Variants in GRIK4 observed in about 807,000 individuals in gnomAD.
The protein encoded by GRIK4 is glutamate receptor ionotropic, kainate 4.
Under a neutral mutation model 104.9 loss-of-function variants are expected in GRIK4, and 40 were observed. That is an observed-to-expected ratio of 0.38 (90% CI 0.30 to 0.50). The LOEUF (loss-of-function observed/expected upper bound fraction) is 0.50, where lower values mean the gene tolerates loss of function less well. GRIK4 is among the 20% of genes least tolerant of loss of function. The pLI is 0.93. For synonymous variants in GRIK4, 485 were observed against 524.9 expected (o/e 0.92, Z 1.04); for missense variants, 1,047 against 1,308.1 (o/e 0.80, Z 3.08).
intron 3 of GRIK4, among the ~76,000 whole-genome samples, chr11:120,798,008 A>G (rs963790306): frequency 6.6e-6 from 1 of 152,132 alleles, no homozygotes; most frequent in Non-Finnish European, 1.5e-5. Context: ...CCCAGCAGAA[A>G]TGTTTCACAG....
chr11:120,641,003 C>T (rs765181296), intron 1 of GRIK4, among the ~76,000 whole-genome samples: 19 of 152,348 alleles, frequency 1.2e-4, no homozygotes, highest in African/African-American at 2.9e-4. Flanking sequence ...TGAGCCACCG[C>T]GCCCGGCCCA....
At chr11:120,610,323 A>C (rs1949019030) in intron 1 of GRIK4, among the ~76,000 whole-genome samples, 1 of 152,224 alleles carries the variant, frequency 6.6e-6, no homozygotes, top group Non-Finnish European at 1.5e-5. Context: ...ATATGTTGTA[A>C]GTTGTATATT....
At chr11:120,778,038 G>A (rs1014114823) in intron 3 of GRIK4, among the ~76,000 whole-genome samples, 1 of 152,126 alleles carries the variant, frequency 6.6e-6, no homozygotes, top group African/African-American at 2.4e-5. Context: ...AGGCCTTGCC[G>A]CTCAGGTGAC....
chr11:120,688,068 C>G (rs1259547595), intron 3 of GRIK4, among the ~76,000 whole-genome samples: 1 of 152,192 alleles, frequency 6.6e-6, no homozygotes, highest in Admixed American at 6.5e-5. Flanking sequence ...TGTCCCCCAG[C>G]AGCAGTCTTT....
chr11:120,791,768 C>T (rs1591919050), intron 3 of GRIK4, among the ~76,000 whole-genome samples: 1 of 152,242 alleles, frequency 6.6e-6, no homozygotes, highest in East Asian at 1.9e-4. Flanking sequence ...TTGCATATGG[C>T]ATGAGTAAGG....
At position 120,831,747 on chromosome 11, in the gene GRIK4, C is replaced by G. The variant is rs146885383; in HGVS notation, c.512-105C>G. On this transcript the variant is annotated intron_variant, in intron 6 of 20. Coordinates refer to ENST00000527524, the MANE Select transcript of GRIK4 (RefSeq NM_014619.5). ...ATGCTGTCAGTGGGGCCAGACCCCC[C>G]GACCCCACTTCCAGCCCACATCTCC... 14 of 795,462 alleles carry G rather than the reference C, an allele frequency of 1.8e-5. No individual in the cohort carries two copies. In the African/African-American group the frequency reaches 2.1e-4, roughly 12 times the overall value. The allele number at this position is 795,462 out of a possible 1,614,324, so 49.3% of individuals were successfully genotyped here.
At chr11:120,912,123 GA>G (rs1162305831) in intron 13 of GRIK4, among the ~76,000 whole-genome samples, 2 of 152,184 alleles carry the variant, frequency 1.3e-5, no homozygotes, top group African/African-American at 4.8e-5. Context: ...GGACCCAGTG[GA>G]TGTGGAATGT....
intron 1 of GRIK4, among the ~76,000 whole-genome samples, chr11:120,631,590 C>G (rs1271386161): frequency 6.6e-6 from 1 of 152,142 alleles, no homozygotes; most frequent in Non-Finnish European, 1.5e-5. Context: ...AAAGTCTCAC[C>G]CAGGAGTGAG....
chr11:120,852,852 T>G (rs1954006480), intron 8 of GRIK4, among the ~76,000 whole-genome samples: 1 of 152,170 alleles, frequency 6.6e-6, no homozygotes, highest in African/African-American at 2.4e-5. Flanking sequence ...AGAGGACTTC[T>G]GAGACAAGGG....
chr11:120,698,579 T>C (rs1356713202), intron 3 of GRIK4, among the ~76,000 whole-genome samples: 1 of 152,248 alleles, frequency 6.6e-6, no homozygotes, highest in Non-Finnish European at 1.5e-5. Flanking sequence ...ATGTTCACAA[T>C]ACCCTTATGC....
chr11:120,547,880 A>G (rs1948101274), intron 1 of GRIK4, among the ~76,000 whole-genome samples: 3 of 152,212 alleles, frequency 2.0e-5, no homozygotes, highest in Admixed American at 2.0e-4. Flanking sequence ...TTAAGAACTC[A>G]TTAGCGGGAT....
chr11:120,938,281 C>T (rs1463520546), intron 13 of GRIK4, among the ~76,000 whole-genome samples: 1 of 152,194 alleles, frequency 6.6e-6, no homozygotes, highest in East Asian at 1.9e-4. Flanking sequence ...CTAATCAAAC[C>T]TAACTTTGAA....
chr11:120,956,860 G>T lies in GRIK4; in HGVS notation c.1781G>T (p.Gly594Val). 1 of 1,613,668 alleles carries T rather than the reference G, an allele frequency of 6.2e-7. No individual in the cohort carries two copies. Among genetic ancestry groups the T allele is most frequent in the Non-Finnish European group, 8.5e-7 (1 of 1,179,948 alleles). ...CTCCTGGTGAACCAGTACTCCCTGGGCAACAGCCTCTGGTTTCCGGTCGGG... is the reference window on the plus strand; with the variant it reads ...CTCCTGGTGAACCAGTACTCCCTGGTCAACAGCCTCTGGTTTCCGGTCGGG... ...CNLLVNQYSL[G>V]NSLWFPVGGF... The change falls in exon 16 of 21, where the codon GGC becomes GTC. Residue 594 changes from glycine to valine, a missense_variant. Physicochemically the swap from Gly to Val is moderately radical, Grantham distance 109. Transcript: ENST00000527524. The surrounding 1 kb of genome is among the most constrained non-coding windows in gnomAD (Gnocchi z 4.6).
chr11:120,706,385 C>T (rs781569487), intron 3 of GRIK4, among the ~76,000 whole-genome samples: 9 of 152,158 alleles, frequency 5.9e-5, no homozygotes, highest in South Asian at 2.1e-4. Flanking sequence ...TCTTCCATTC[C>T]GACTGCGTTG....
At chr11:120,816,044 T>A (rs1952949010) in intron 5 of GRIK4, among the ~76,000 whole-genome samples, 1 of 152,196 alleles carries the variant, frequency 6.6e-6, no homozygotes, top group Non-Finnish European at 1.5e-5. Flanking sequence ...CTTCCTCAGA[T>A]GTGACTCGAA....
At chr11:120,914,675 G>A (rs747597706) in intron 13 of GRIK4, among the ~76,000 whole-genome samples, 2 of 152,142 alleles carry the variant, frequency 1.3e-5, no homozygotes, top group Non-Finnish European at 2.9e-5. Context: ...CTGTAGGCAG[G>A]GGCCAGTCGT....
intron 1 of GRIK4, among the ~76,000 whole-genome samples, chr11:120,542,527 A>G (rs974879527): frequency 1.3e-5 from 2 of 152,262 alleles, no homozygotes; most frequent in Non-Finnish European, 1.5e-5. Flanking sequence ...AACGTATGTC[A>G]TGGGAGAAAA....
intron 3 of GRIK4, among the ~76,000 whole-genome samples, chr11:120,785,230 A>C (rs1952242351): frequency 6.6e-6 from 1 of 152,208 alleles, no homozygotes; most frequent in Non-Finnish European, 1.5e-5. Context: ...CCGGGCACTG[A>C]ACTGCCACAG....
At chr11:120,533,534 T>C (rs753075127) in intron 1 of GRIK4, among the ~76,000 whole-genome samples, 1 of 152,118 alleles carries the variant, frequency 6.6e-6, no homozygotes, top group African/African-American at 2.4e-5. Context: ...GGTTGGGTCA[T>C]TGGGGCATCT....
Sources: gnomAD v4.1 joint callset for allele counts (sites outside exome capture counted in the v4.1 genomes callset) on GRCh38, gnomAD v4.1.1 for gene constraint, Gnocchi (gnomAD v3.1) non-coding constraint, MANE v1.5 for transcripts, NCBI Gene and HGNC (gene_info 2026-07-23, HGNC 2026-07-21) for gene names.